Variants in JCAD observed in about 807,000 individuals in gnomAD.
The protein encoded by JCAD is junctional cadherin 5 associated.
JCAD carries 40 observed loss-of-function variants against 98.0 expected under a neutral mutation model. That is an observed-to-expected ratio of 0.41 (90% CI 0.32 to 0.53). JCAD has a LOEUF of 0.53. Among genes scored for constraint, JCAD ranks in the 20% least tolerant of loss-of-function variants. The probability of loss-of-function intolerance (pLI) is 0.31; values close to 1 mark genes in which losing one functional copy is unlikely to be tolerated. For synonymous variants in JCAD, 691 were observed against 682.3 expected (o/e 1.01, Z -0.20); for missense variants, 1,705 against 1,738.1 (o/e 0.98, Z 0.34).
intron 1 of JCAD, among the ~76,000 whole-genome samples, chr10:30,051,707 T>A (rs1012503516): frequency 1.3e-5 from 2 of 152,044 alleles, no homozygotes; most frequent in Non-Finnish European, 2.9e-5. Flanking sequence ...GGGACTAAAG[T>A]GGATAGAGCG....
In JCAD at chr10:30,059,586, C is replaced by G. The variant is rs1250813582; in HGVS notation, c.-164G>C. The G allele has an allele frequency of 2.0e-5, 3 of 152,034 alleles. No homozygotes were observed. Among genetic ancestry groups the G allele is most frequent in the Non-Finnish European group, 4.4e-5 (3 of 67,828 alleles). 9.4% of individuals were successfully genotyped at this position (152,034 alleles called of 1,614,324 possible). On this transcript the variant is annotated 5_prime_UTR_variant, in exon 1 of 4. Coordinates refer to ENST00000375377, the MANE Select transcript of JCAD (RefSeq NM_020848.4). The surrounding 1 kb of genome is among the most constrained non-coding windows in gnomAD (Gnocchi z 5.0). ...TGCAGCCGCCGAGGCCGAGCATGCCCGGAGAACCGCCGTCCGCCCCGCCCA... is the reference window on the plus strand; with the variant it reads ...TGCAGCCGCCGAGGCCGAGCATGCCGGGAGAACCGCCGTCCGCCCCGCCCA...
In JCAD at chr10:30,059,243, C is replaced by T. The variant is rs1387303984; in HGVS notation, c.-60+239G>A. Among the ~76,000 whole-genome samples the T allele has an allele frequency of 4.6e-5, 7 of 151,490 alleles. No individual in the cohort carries two copies. The highest frequency in any genetic ancestry group is 1.3e-4 in the Admixed American group (2 of 15,212). On this transcript the variant is annotated intron_variant, in intron 1 of 3. Coordinates refer to ENST00000375377, the MANE Select transcript of JCAD (RefSeq NM_020848.4). The surrounding 1 kb of genome is among the most constrained non-coding windows in gnomAD (Gnocchi z 5.0). ...ACCTGAGGGGAGGGGACGCCCCTCC[C>T]GGGCTGGCAGGCGCCCTCCACCCCG... is the stretch of plus-strand genomic sequence containing the variant.
intron 1 of JCAD, among the ~76,000 whole-genome samples, chr10:30,089,091 A>C (rs959820117): frequency 1.3e-5 from 2 of 152,210 alleles, no homozygotes; most frequent in Non-Finnish European, 2.9e-5. Context: ...AATCCCTCTT[A>C]GGTTCTATGG....
intron 1 of JCAD, among the ~76,000 whole-genome samples, chr10:30,084,160 AGAAGGAG>A (rs1250243428): frequency 1.3e-5 from 2 of 151,670 alleles, no homozygotes; most frequent in Admixed American, 6.6e-5. Flanking sequence ...AGAAAAGGAA[AGAAGGAG>A]GAAGGAGGAA....
chr10:30,060,302 A>G (rs1837676171), upstream of JCAD, among the ~76,000 whole-genome samples: 1 of 152,128 alleles, frequency 6.6e-6, no homozygotes, highest in Admixed American at 6.5e-5. Flanking sequence ...TGACAGGAGC[A>G]GGATTTGCCT....
At chr10:30,040,910 C>G (rs1837231912) in intron 2 of JCAD, among the ~76,000 whole-genome samples, 1 of 152,204 alleles carries the variant, frequency 6.6e-6, no homozygotes, top group Admixed American at 6.5e-5. Flanking sequence ...TTTCTTAGCT[C>G]TCAGACTCAT....
At chr10:30,066,568 C>A (rs1837787453) in intron 2 of JCAD, among the ~76,000 whole-genome samples, 1 of 152,036 alleles carries the variant, frequency 6.6e-6, no homozygotes, top group South Asian at 2.1e-4. Flanking sequence ...CCCGCTGGTA[C>A]CGGGGGGATG....
At chr10:30,050,430 A>T (rs1837445812) in intron 1 of JCAD, among the ~76,000 whole-genome samples, 1 of 151,884 alleles carries the variant, frequency 6.6e-6, no homozygotes, top group East Asian at 1.9e-4. Flanking sequence ...AACATCACAC[A>T]CAGGGTCAGC....
chr10:30,053,431 C>T (rs1384995469), intron 1 of JCAD, among the ~76,000 whole-genome samples: 1 of 151,826 alleles, frequency 6.6e-6, no homozygotes, highest in African/African-American at 2.4e-5. Context: ...CGTGGTGGCG[C>T]TCACCTGTAG....
At chr10:30,025,535 AAGGGGAGGGGAGGGGAGGGG>A (rs77184322) in intron 3 of JCAD, among the ~76,000 whole-genome samples, 5 of 9,642 alleles carry the variant, frequency 5.2e-4, no homozygotes, top group South Asian at 4.2e-3. Flanking sequence ...AAAAAATGGG[AAGGGGAGGGGAGGGGAGGGG>A]AGGGGAGGGG....
At chr10:30,082,807 C>G (rs2132684855) in intron 1 of JCAD, among the ~76,000 whole-genome samples, 1 of 135,932 alleles carries the variant, frequency 7.4e-6, no homozygotes, top group South Asian at 2.5e-4. Context: ...GCCAAGATCA[C>G]ACCATTGTAC....
intron 2 of JCAD, among the ~76,000 whole-genome samples, chr10:30,033,895 C>T (rs914819513): frequency 2.0e-5 from 3 of 152,106 alleles, no homozygotes; most frequent in Non-Finnish European, 4.4e-5. Context: ...TTGGAATTAC[C>T]TCTTTGCCTT....
rs909200507 is a variant in JCAD at position 30,017,066 on chromosome 10, ATT to A, written c.*815_*816del. On this transcript the variant is annotated 3_prime_UTR_variant, in exon 4 of 4. Transcript: ENST00000375377. ...ATTGTTTACATCATAGAAAAATAGCATTTTCGTAAAAAGAAATATAGTCACTT... is the reference window on the plus strand; with the variant it reads ...ATTGTTTACATCATAGAAAAATAGCATTCGTAAAAAGAAATATAGTCACTT... The A allele has an allele frequency of 6.6e-6, 1 of 152,162 alleles. No individual in the cohort carries two copies. The highest frequency in any genetic ancestry group is 2.4e-5 in the African/African-American group (1 of 41,434). The allele number at this position is 152,162 out of a possible 1,614,324, so 9.4% of individuals were successfully genotyped here. A position where few individuals can be genotyped will look rare whatever the true frequency, so the allele number is the denominator to read the frequency against.
Position 30,084,510 on chromosome 10 carries a change from T to C in JCAD, n.129-14689A>G, listed in dbSNP as rs116980082. On this transcript the variant is annotated intron_variant and non_coding_transcript_variant, in intron 1 of 2. Transcript: ENST00000465712. ...GTGGGTAGGGGCCTCAGTCAATCAG[T>C]TGAAGGACTCAATAGAACAAAAAGA... 4.4e-3 allele frequency among the ~76,000 whole-genome samples: 667 copies of C among 152,266 alleles called. 7 individuals carry two copies. Among genetic ancestry groups the C allele is most frequent in the South Asian group, 0.044 (211 of 4,822 alleles).
At chr10:30,106,389 C>T (rs1026308054) in intron 1 of JCAD, among the ~76,000 whole-genome samples, 2 of 151,778 alleles carry the variant, frequency 1.3e-5, no homozygotes, top group African/African-American at 4.8e-5. Flanking sequence ...TATGATGGCA[C>T]CACTGCACTG....
rs1201241225 is a variant in JCAD, at chr10:30,015,224, C to T, written c.*2659G>A. 6.6e-6 allele frequency: 1 copy of T among 152,148 alleles called. No individual in the cohort carries two copies. The highest frequency in any genetic ancestry group is 1.5e-5 in the Non-Finnish European group (1 of 68,020). The allele number at this position is 152,148 out of a possible 1,614,324, so 9.4% of individuals were successfully genotyped here. A position where few individuals can be genotyped will look rare whatever the true frequency, so the allele number is the denominator to read the frequency against. The stretch of plus-strand genomic sequence containing the variant: ...ATTTTATGAGCTCCAAATTATTAAA[C>T]ACCAACAGTAAATTGTGTGCATGAG... On this transcript the variant is annotated 3_prime_UTR_variant, in exon 4 of 4. Coordinates refer to ENST00000375377, the MANE Select transcript of JCAD (RefSeq NM_020848.4).
At chr10:30,111,450 T>G (rs1838701040) in intron 1 of JCAD, among the ~76,000 whole-genome samples, 1 of 152,202 alleles carries the variant, frequency 6.6e-6, no homozygotes, top group African/African-American at 2.4e-5. Flanking sequence ...TCAATTATTC[T>G]GCAAATACAT....
At chr10:30,054,034 C>T (rs536270462) in intron 1 of JCAD, among the ~76,000 whole-genome samples, 1 of 152,246 alleles carries the variant, frequency 6.6e-6, no homozygotes, top group Admixed American at 6.5e-5. Flanking sequence ...TGCACCTCAC[C>T]CTGAGCGACA....
At chr10:30,108,387 A>G (rs77274248) in intron 1 of JCAD, among the ~76,000 whole-genome samples, 2,480 of 152,062 alleles carry the variant, frequency 0.016, 39 homozygotes, top group African/African-American at 0.037. Flanking sequence ...TGGCTCTCCA[A>G]GGCTTTCTCT....
Sources: allele counts gnomAD v4.1 joint callset (sites outside exome capture counted in the v4.1 genomes callset), GRCh38; gene constraint gnomAD v4.1.1; non-coding constraint Gnocchi (gnomAD v3.1); transcripts MANE v1.5; gene names NCBI Gene and HGNC (gene_info 2026-07-23, HGNC 2026-07-21).